The following SLC6A15 variants were observed in gnomAD, a reference collection of about 807,000 sequenced individuals.
SLC6A15 encodes solute carrier family 6 member 15.
A neutral mutation model predicts 68.5 loss-of-function variants in SLC6A15; 33 were observed. The ratio of observed to expected loss-of-function variants is 0.48; its 90% CI spans 0.37 to 0.64. The LOEUF (loss-of-function observed/expected upper bound fraction) is 0.64. Among genes scored for constraint, SLC6A15 ranks in the 30% least tolerant of loss-of-function variants. SLC6A15 has a pLI of 0.00. For missense variants in SLC6A15, 747 were observed against 874.3 expected (o/e 0.85, Z 1.84); for synonymous variants, 347 against 301.0 (o/e 1.15, Z -1.58).
chr12:84,894,352 G>A (rs568372157), intron 1 of SLC6A15, among the ~76,000 whole-genome samples: 4 of 152,252 alleles, frequency 2.6e-5, no homozygotes, highest in Admixed American at 1.3e-4. Flanking sequence ...ATGGATTTTA[G>A]TCTGACAAAT....
rs1871099021 is a variant in SLC6A15 at position 84,867,152 on chromosome 12, C to T, written c.1537G>A (p.Val513Met). 1 of 1,611,070 alleles carries T rather than the reference C, an allele frequency of 6.2e-7. No homozygotes were observed. Among genetic ancestry groups the T allele is most frequent in the Non-Finnish European group, 8.5e-7 (1 of 1,178,616 alleles). The change falls in exon 10 of 12, where the codon GTG becomes ATG. Residue 513 changes from valine to methionine, a missense_variant. Val to Met is a conservative substitution (Grantham distance 21, BLOSUM62 1). Coordinates refer to ENST00000266682, the MANE Select transcript of SLC6A15 (RefSeq NM_182767.6). ...LLAFCIGLIF[V>M]QRSGNYFVTM... Reference sequence around the variant, plus strand: ...ACAAAGTAATTTCCAGAGCGTTGCACAAATATCAGGCCAATACAAAATGCC... The same window carrying T: ...ACAAAGTAATTTCCAGAGCGTTGCATAAATATCAGGCCAATACAAAATGCC...
In SLC6A15 at chr12:84,894,691, T is replaced by TTATTTTATTA. The variant is rs1264663860; in HGVS notation, c.-188-2384_-188-2383insTAATAAAATA. ...CAAAATAAAAGGTAATACCTTTGGC[T>TTATTTTATTA]ACTACTGCATGTTTTTTACACACCA... On this transcript the variant is annotated intron_variant, in intron 1 of 11. Coordinates refer to ENST00000266682, the MANE Select transcript of SLC6A15 (RefSeq NM_182767.6). Among the ~76,000 whole-genome samples, 6 of 152,290 alleles carry TTATTTTATTA rather than the reference T, an allele frequency of 3.9e-5. No individual in the cohort carries two copies. In the East Asian group the frequency reaches 1.2e-3, roughly 29 times the overall value.
chr12:84,901,061 C>A (rs564197334), intron 1 of SLC6A15, among the ~76,000 whole-genome samples: 21 of 146,214 alleles, frequency 1.4e-4, no homozygotes, highest in Admixed American at 1.2e-3. Flanking sequence ...TATATGTATA[C>A]GTATATGTGT....
intron 1 of SLC6A15, among the ~76,000 whole-genome samples, chr12:84,898,799 T>C (rs755720610): frequency 2.0e-5 from 3 of 152,260 alleles, no homozygotes; most frequent in Non-Finnish European, 4.4e-5. Flanking sequence ...CAATGCTGCA[T>C]GTTTAATTTT....
chr12:84,888,483 C>CT (rs2120660022), intron 2 of SLC6A15, among the ~76,000 whole-genome samples: 1 of 151,924 alleles, frequency 6.6e-6, no homozygotes, highest in East Asian at 1.9e-4. Context: ...GAGCTGGAGG[C>CT]CATTATTCTA....
At chr12:84,907,740 T>C (rs930291583) in intron 1 of SLC6A15, among the ~76,000 whole-genome samples, 1 of 152,210 alleles carries the variant, frequency 6.6e-6, no homozygotes, top group African/African-American at 2.4e-5. Context: ...GAAAAGCCTA[T>C]GCAGGAATGT....
intron 1 of SLC6A15, among the ~76,000 whole-genome samples, chr12:84,895,337 G>GTTTTTTTTTTTTTTTTT (rs1362312029): frequency 3.1e-5 from 2 of 65,424 alleles, no homozygotes; most frequent in African/African-American, 1.4e-4. Context: ...ATTTTTGTTT[G>GTTTTTTTTTTTTTTTTT]TATTTTTTTT....
intron 6 of SLC6A15, among the ~76,000 whole-genome samples, chr12:84,874,293 A>G (rs1489241472): frequency 6.6e-6 from 1 of 152,116 alleles, no homozygotes; most frequent in East Asian, 1.9e-4. Context: ...GAAAGATCAG[A>G]ATAATAAGAA....
At chr12:84,873,419 A>G in intron 6 of SLC6A15, 91 bp from the exon 7 acceptor site, 2 of 1,361,376 alleles carry the variant, frequency 1.5e-6, no homozygotes, top group Non-Finnish European at 2.0e-6. Flanking sequence ...GGAGTATACA[A>G]TGATATTTAT....
intron 1 of SLC6A15, among the ~76,000 whole-genome samples, chr12:84,892,908 G>A (rs1872481356): frequency 6.6e-6 from 1 of 152,134 alleles, no homozygotes; most frequent in Admixed American, 6.6e-5. Flanking sequence ...TCTTGCCTCA[G>A]TCCCAGAAGT....
intron 10 of SLC6A15, among the ~76,000 whole-genome samples, chr12:84,866,823 A>G (rs1020937534): frequency 6.6e-6 from 1 of 152,202 alleles, no homozygotes; most frequent in Non-Finnish European, 1.5e-5. Context: ...AAAATTCTAC[A>G]TACTATTACA....
intron 1 of SLC6A15, among the ~76,000 whole-genome samples, chr12:84,908,384 A>C (rs1873273785): frequency 6.6e-6 from 1 of 151,952 alleles, no homozygotes; most frequent in Non-Finnish European, 1.5e-5. Flanking sequence ...TGAAAGAGGA[A>C]GCTTTCTTGT....
intron 5 of SLC6A15, chr12:84,883,647 A>T: frequency 6.8e-7 from 1 of 1,462,296 alleles, no homozygotes; most frequent in Non-Finnish European, 9.1e-7. Flanking sequence ...AAAGATTATA[A>T]TTAACCTTAG....
At chr12:84,899,676 TGC>T (rs936895504) in intron 1 of SLC6A15, among the ~76,000 whole-genome samples, 1 of 152,198 alleles carries the variant, frequency 6.6e-6, no homozygotes, top group African/African-American at 2.4e-5. Context: ...CAAAAACTAC[TGC>T]TATATTTCCA....
intron 3 of SLC6A15, 47 bp from the exon 4 acceptor site, chr12:84,885,608 T>C: frequency 6.4e-7 from 1 of 1,556,020 alleles, no homozygotes; most frequent in East Asian, 2.3e-5. Flanking sequence ...ACCTCTTCCA[T>C]TAAAAGAATG....
Position 84,863,471 on chromosome 12 carries a change from G to T in SLC6A15, c.1786C>A (p.Pro596Thr). 6.3e-7 allele frequency: 1 copy of T among 1,584,782 alleles called. No homozygotes were observed. The highest frequency in any genetic ancestry group is 8.5e-7 in the Non-Finnish European group (1 of 1,169,872). Residue 596 changes from proline to threonine, a missense_variant, in exon 11 of 12, where the codon CCT becomes ACT. Pro to Thr is a conservative substitution (Grantham distance 38, BLOSUM62 -1). Transcript: ENST00000266682. ...IASVVNMGLS[P>T]PGYNAWIEDK... The stretch of plus-strand genomic sequence containing the variant: ...TCAATCCATGCGTTATAGCCAGGAG[G>T]ACTTAATCCCATATTCACAACACTA...
chr12:84,867,029 C>T lies in SLC6A15; in HGVS notation c.1655+5G>A, dbSNP rs1334786229. On this transcript the variant is annotated splice_donor_5th_base_variant and intron_variant, in intron 10 of 11. Transcript: ENST00000266682. ...AAGTGAATACATAAAAGCAAATATACTTACTTATCTATGCCATAAACAAAG... is the reference window on the plus strand; with the variant it reads ...AAGTGAATACATAAAAGCAAATATATTTACTTATCTATGCCATAAACAAAG... 1.3e-6 allele frequency: 2 copies of T among 1,574,410 alleles called. No homozygotes were observed. The highest frequency in any genetic ancestry group is 1.7e-6 in the Non-Finnish European group (2 of 1,163,188).
chr12:84,894,026 T>C (rs1437773812), intron 1 of SLC6A15, among the ~76,000 whole-genome samples: 1 of 152,106 alleles, frequency 6.6e-6, no homozygotes, highest in African/African-American at 2.4e-5. Context: ...CGAGAAGCGA[T>C]CACAGTGACT....
Position 84,872,706 on chromosome 12 carries a change from C to T in SLC6A15, c.1198G>A (p.Ala400Thr). Residue 400 changes from alanine to threonine, a missense_variant, in exon 8 of 12, where the codon GCA becomes ACA. By Grantham distance (58) the Ala-to-Thr change is moderately conservative. Transcript: ENST00000266682. The part of the protein sequence containing the change: ...PHHINLSTVT[A>T]EDYHLVYDII... ...TCATAAACTAAATGATAATCTTCTG[C>T]AGTAACAGTTGAAAGGTTGATATGA... 2.5e-6 allele frequency: 4 copies of T among 1,612,784 alleles called. No homozygotes were observed. Among genetic ancestry groups the T allele is most frequent in the South Asian group, 1.1e-5 (1 of 90,994 alleles).
Sources: gnomAD v4.1 joint callset for allele counts (sites outside exome capture counted in the v4.1 genomes callset) on GRCh38, gnomAD v4.1.1 for gene constraint, MANE v1.5 for transcripts, NCBI Gene and HGNC (gene_info 2026-07-23, HGNC 2026-07-21) for gene names.